Variants in ZNF521 observed in about 807,000 individuals in gnomAD.
The protein encoded by ZNF521 is zinc finger protein 521, also known as LYST-interacting protein 3.
Under a neutral mutation model 105.5 loss-of-function variants are expected in ZNF521, and 14 were observed. The ratio of observed to expected loss-of-function variants is 0.13; its 90% CI spans 0.09 to 0.21. The LOEUF is 0.21. ZNF521 is among the 10% of genes least tolerant of loss of function. The pLI, the probability that ZNF521 is intolerant of heterozygous loss-of-function variation, is 1.00. For missense variants in ZNF521, 1,233 were observed against 1,629.7 expected (o/e 0.76, Z 4.19); for synonymous variants, 635 against 606.0 (o/e 1.05, Z -0.70).
At chr18:25,103,634 A>C (rs2034011259) in intron 5 of ZNF521, among the ~76,000 whole-genome samples, 1 of 152,192 alleles carries the variant, frequency 6.6e-6, no homozygotes, top group Non-Finnish European at 1.5e-5. Context: ...TGTATGCTGA[A>C]GCCAAGATGT....
At chr18:25,275,582 T>C (rs1210593073) in intron 3 of ZNF521, among the ~76,000 whole-genome samples, 5 of 152,176 alleles carry the variant, frequency 3.3e-5, no homozygotes, top group African/African-American at 1.2e-4. Flanking sequence ...AAAATACACA[T>C]TTTGATTACC....
At chr18:25,247,022 G>A (rs747991734) in intron 3 of ZNF521, among the ~76,000 whole-genome samples, 1 of 152,126 alleles carries the variant, frequency 6.6e-6, no homozygotes, top group Non-Finnish European at 1.5e-5. Flanking sequence ...ATTTTCAGGT[G>A]TGTTCTAGCT....
chr18:25,160,807 AG>A (rs2035237570), intron 5 of ZNF521, among the ~76,000 whole-genome samples: 1 of 152,066 alleles, frequency 6.6e-6, no homozygotes, highest in South Asian at 2.1e-4. Flanking sequence ...GACAATTTTT[AG>A]GGGGATGTGT....
chr18:25,228,535 T>C (rs1906321797), intron 3 of ZNF521, among the ~76,000 whole-genome samples: 3 of 152,230 alleles, frequency 2.0e-5, no homozygotes, highest in African/African-American at 7.2e-5. Context: ...CCACCATATC[T>C]TCCTTTTGCA....
intron 5 of ZNF521, among the ~76,000 whole-genome samples, chr18:25,115,294 A>T (rs1307900796): frequency 1.3e-5 from 2 of 152,242 alleles, no homozygotes; most frequent in Non-Finnish European, 2.9e-5. Context: ...TTCACTAAAT[A>T]ATACGATCAT....
rs149184364 is a variant in ZNF521, at chr18:25,310,996, C to T, written c.220+11012G>A. Among the ~76,000 whole-genome samples the T allele has an allele frequency of 2.4e-3, 362 of 152,222 alleles. 9 individuals are homozygous for T. Among genetic ancestry groups the T allele is most frequent in the Admixed American group, 0.021 (317 of 15,292 alleles). On this transcript the variant is annotated intron_variant, in intron 3 of 7. Transcript: ENST00000361524. ...AAACTTTGAGAAGCTCCAGTTGGAA[C>T]AAAGATGGGGAAAGGGTTCAGAGTT...
intron 3 of ZNF521, among the ~76,000 whole-genome samples, chr18:25,257,007 C>T (rs186795109): frequency 1.3e-5 from 2 of 152,080 alleles, no homozygotes; most frequent in Admixed American, 1.3e-4. Context: ...GTCAAAAGCA[C>T]AAGGAAAGGC....
intron 3 of ZNF521, among the ~76,000 whole-genome samples, chr18:25,271,257 G>A (rs1321103319): frequency 6.6e-6 from 1 of 152,084 alleles, no homozygotes; most frequent in African/African-American, 2.4e-5. Flanking sequence ...CACTGCTCAA[G>A]GAAATAAGAG....
At chr18:25,167,749 G>A (rs1343971677) in intron 5 of ZNF521, among the ~76,000 whole-genome samples, 1 of 152,128 alleles carries the variant, frequency 6.6e-6, no homozygotes, top group Non-Finnish European at 1.5e-5. Flanking sequence ...ATTGCTCTGT[G>A]GCTTTGTGCC....
chr18:25,245,738 C>A (rs933290729), intron 3 of ZNF521, among the ~76,000 whole-genome samples: 1 of 152,112 alleles, frequency 6.6e-6, no homozygotes, highest in African/African-American at 2.4e-5. Context: ...CTCTGCTGGG[C>A]GTGGTGGCTC....
intron 3 of ZNF521, among the ~76,000 whole-genome samples, chr18:25,310,978 GA>G (rs1287906520): frequency 6.6e-6 from 1 of 152,104 alleles, no homozygotes; most frequent in Non-Finnish European, 1.5e-5. Flanking sequence ...TTTAAACTTT[GA>G]GAAGCTCCAG....
Position 25,352,115 on chromosome 18 carries a change from A to T in ZNF521, c.-112T>A. The stretch of plus-strand genomic sequence containing the variant: ...GCTCCAGAGGGGGCCCCTAACCCGC[A>T]GGGACTCGCTCTGTACGTAATCACT... On this transcript the variant is annotated 5_prime_UTR_variant, in exon 1 of 8. Transcript: ENST00000361524. The T allele has an allele frequency of 2.1e-6, 1 of 478,064 alleles. No homozygotes were observed. The highest frequency in any genetic ancestry group is 4.2e-4 in the Middle Eastern group (1 of 2,398). 29.6% of individuals were successfully genotyped at this position (478,064 alleles called of 1,614,324 possible).
chr18:25,212,166 A>G (rs1233570998), intron 4 of ZNF521, among the ~76,000 whole-genome samples: 2 of 152,112 alleles, frequency 1.3e-5, no homozygotes, highest in African/African-American at 2.4e-5. Flanking sequence ...TCATTCTTCT[A>G]TACATGTTTT....
At chr18:25,078,823 C>T (rs1250083544) in intron 7 of ZNF521, among the ~76,000 whole-genome samples, 1 of 152,202 alleles carries the variant, frequency 6.6e-6, no homozygotes, top group Admixed American at 6.5e-5. Context: ...TTTCAGCACA[C>T]GCCCTCTGCA....
intron 3 of ZNF521, among the ~76,000 whole-genome samples, chr18:25,288,040 C>G (rs1038437254): frequency 5.3e-5 from 8 of 151,926 alleles, no homozygotes; most frequent in Non-Finnish European, 8.8e-5. Context: ...TGAAAATGCC[C>G]CCCCAATAGT....
In ZNF521 at chr18:25,230,281, C is replaced by T. The variant is rs530436546; in HGVS notation, c.221-2584G>A. On this transcript the variant is annotated intron_variant, in intron 3 of 7. Transcript: ENST00000361524. ...CTTATAGAAAAATAAATAAAGCATC[C>T]CTGAAAGGCTGATTTCTGTTTTAAA... Among the ~76,000 whole-genome samples, 20 of 152,224 alleles carry T rather than the reference C, an allele frequency of 1.3e-4. 1 individual carries two copies. The South Asian group carries it at 4.2e-3, about 32-fold the overall frequency.
At chr18:25,139,238 C>A (rs1354473703) in intron 5 of ZNF521, among the ~76,000 whole-genome samples, 2 of 151,594 alleles carry the variant, frequency 1.3e-5, no homozygotes, top group African/African-American at 4.8e-5. Flanking sequence ...GGTGTGGTGG[C>A]AGGCACCTGT....
At chr18:25,118,458 A>T (rs901543127) in intron 5 of ZNF521, among the ~76,000 whole-genome samples, 1 of 152,056 alleles carries the variant, frequency 6.6e-6, no homozygotes, top group African/African-American at 2.4e-5. Context: ...GCATTATCTT[A>T]TGGGGTTTAT....
chr18:25,289,224 G>C (rs1036818629), intron 3 of ZNF521, among the ~76,000 whole-genome samples: 1 of 152,108 alleles, frequency 6.6e-6, no homozygotes, highest in South Asian at 2.1e-4. Flanking sequence ...ACTGGACTTC[G>C]GTTATGAATC....
Sources: gnomAD v4.1 joint callset for allele counts (sites outside exome capture counted in the v4.1 genomes callset) on GRCh38, gnomAD v4.1.1 for gene constraint, MANE v1.5 for transcripts, NCBI Gene and HGNC (gene_info 2026-07-23, HGNC 2026-07-21) for gene names.